GYS2: variants seen among roughly 807,000 people sequenced by gnomAD.
The protein encoded by GYS2 is glycogen synthase 2, also known as glycogen [starch] synthase, liver.
GYS2 carries 80 observed loss-of-function variants against 85.6 expected under a neutral mutation model. The ratio of observed to expected loss-of-function variants is 0.93; its 90% CI spans 0.78 to 1.13. The LOEUF (loss-of-function observed/expected upper bound fraction) is 1.13. GYS2 is among the 50% of genes most tolerant of loss of function. GYS2 has a pLI of 0.00. For missense variants in GYS2, 881 were observed against 854.9 expected, an observed-to-expected ratio of 1.03 and a Z score of -0.38; for synonymous variants, 328 against 300.7, an observed-to-expected ratio of 1.09 and a Z score of -0.94.
chr12:21,539,356 A>C lies in GYS2; in HGVS notation c.1810-18T>G. On this transcript the variant is annotated intron_variant, in intron 14 of 15. Transcript: ENST00000261195. Reference sequence around the variant, plus strand: ...TGGTAATACTATTGATAGAAAGCCAAATCACAGGTTAATAAAAACCCTTAG... The same window carrying C: ...TGGTAATACTATTGATAGAAAGCCACATCACAGGTTAATAAAAACCCTTAG... 2 of 1,432,012 alleles carry C rather than the reference A, an allele frequency of 1.4e-6. No homozygotes were observed. Among genetic ancestry groups the C allele is most frequent in the Non-Finnish European group, 2.0e-6 (2 of 1,014,260 alleles). 88.7% of individuals were successfully genotyped at this position (1,432,012 alleles called of 1,614,324 possible). A position where few individuals can be genotyped will look rare whatever the true frequency, so the allele number is the denominator to read the frequency against.
Position 21,559,177 on chromosome 12 carries a change from GA to G in GYS2, c.1230-9del. ...AGGTCAGGAATTTCTCCTCTGCAGG[GA>G]AAAAATGTTAATAACAAAAATAAAA... On this transcript the variant is annotated splice_polypyrimidine_tract_variant and intron_variant, in intron 9 of 15. Coordinates refer to ENST00000261195, the MANE Select transcript of GYS2 (RefSeq NM_021957.4). The G allele has an allele frequency of 4.5e-6, 7 of 1,562,836 alleles. No individual in the cohort carries two copies. The highest frequency in any genetic ancestry group is 6.2e-6 in the Non-Finnish European group (7 of 1,135,114).
At chr12:21,537,399 T>C in intron 15 of GYS2, 1 of 561,724 alleles carries the variant, frequency 1.8e-6, no homozygotes, top group South Asian at 2.1e-5. Flanking sequence ...CTAAGTGTTA[T>C]ATACATATTA....
chr12:21,560,991 T>C (rs1944246270), intron 7 of GYS2, among the ~76,000 whole-genome samples: 1 of 152,162 alleles, frequency 6.6e-6, no homozygotes, highest in Admixed American at 6.5e-5. Context: ...TGATGACAGA[T>C]AGATTATTTT....
downstream of GYS2, among the ~76,000 whole-genome samples, chr12:21,534,211 T>A (rs889410553): frequency 1.3e-5 from 2 of 152,166 alleles, no homozygotes; most frequent in African/African-American, 4.8e-5. Flanking sequence ...CATTATAAAT[T>A]AAAAATATCA....
At chr12:21,586,435 CT>C (rs1944574292) in intron 1 of GYS2, among the ~76,000 whole-genome samples, 1 of 151,826 alleles carries the variant, frequency 6.6e-6, no homozygotes, top group East Asian at 1.9e-4. Context: ...ATCTATCTAT[CT>C]ATCTATCTAT....
chr12:21,542,528 A>C lies in GYS2; in HGVS notation c.1613T>G (p.Met538Arg). ...AGTAGGATCAGCCACGTGCTCCTGC[A>C]TGAAACAGCCAAACCCGGAGAGATT... ...TTNLSGFGCFMQEHVADPTAY... is the reference protein window; with the variant it reads ...TTNLSGFGCFRQEHVADPTAY... Residue 538 changes from methionine (M) to arginine (R), a missense_variant, in exon 13 of 16, where the codon ATG (methionine) becomes AGG (arginine). By Grantham distance (91) the Met-to-Arg change is moderately conservative. Transcript: ENST00000261195. 6.2e-7 allele frequency: 1 copy of C among 1,613,676 alleles called. No individual in the cohort carries two copies. The highest frequency in any genetic ancestry group is 8.5e-7 in the Non-Finnish European group (1 of 1,179,564).
At chr12:21,539,138 G>A (rs1441002736) in intron 15 of GYS2, 120 bp downstream of exon 15, 1 of 682,676 alleles carries the variant, frequency 1.5e-6, no homozygotes, top group African/African-American at 1.8e-5. Flanking sequence ...CCTTTGGTTT[G>A]ATTCAACATT....
intron 1 of GYS2, among the ~76,000 whole-genome samples, chr12:21,596,042 G>A (rs1944692384): frequency 6.6e-6 from 1 of 152,014 alleles, no homozygotes; most frequent in Admixed American, 6.6e-5. Flanking sequence ...CCATATGATA[G>A]GCCATGAAAT....
At chr12:21,601,591 C>T (rs1380420398) in intron 1 of GYS2, among the ~76,000 whole-genome samples, 1 of 152,144 alleles carries the variant, frequency 6.6e-6, no homozygotes, top group African/African-American at 2.4e-5. Context: ...AACATCTCAT[C>T]ATTAGAGAGG....
At chr12:21,567,929 T>G (rs1254615338) in intron 5 of GYS2, among the ~76,000 whole-genome samples, 1 of 151,848 alleles carries the variant, frequency 6.6e-6, no homozygotes, top group Non-Finnish European at 1.5e-5. Flanking sequence ...AAAAATTAGC[T>G]GGGCGTGGTG....
At chr12:21,542,859 G>T (rs142306604) in intron 12 of GYS2, among the ~76,000 whole-genome samples, 1 of 152,214 alleles carries the variant, frequency 6.6e-6, no homozygotes, top group South Asian at 2.1e-4. Flanking sequence ...GCCAGGGTTC[G>T]TGGTATAGCT....
intron 2 of GYS2, among the ~76,000 whole-genome samples, chr12:21,579,309 A>T (rs770806459): frequency 2.5e-4 from 37 of 150,566 alleles, no homozygotes; most frequent in Non-Finnish European, 4.4e-4. Flanking sequence ...GCCACATTCC[A>T]TGTGTAGTTT....
chr12:21,555,420 A>T (rs186044453), intron 11 of GYS2, among the ~76,000 whole-genome samples: 1 of 151,684 alleles, frequency 6.6e-6, no homozygotes, highest in Non-Finnish European at 1.5e-5. Context: ...AGGTGTAGAT[A>T]TTTCAGAAAT....
chr12:21,558,496 T>C (rs139118002), intron 10 of GYS2, among the ~76,000 whole-genome samples, 183 bp from the exon 11 acceptor site: 94 of 152,338 alleles, frequency 6.2e-4, no homozygotes, highest in African/African-American at 2.3e-3. Context: ...AGAATCTCCT[T>C]TGCATGCTAT....
chr12:21,591,392 G>A (rs921201373), intron 1 of GYS2, among the ~76,000 whole-genome samples: 2 of 151,692 alleles, frequency 1.3e-5, no homozygotes, highest in African/African-American at 4.8e-5. Flanking sequence ...AGATCAAGCA[G>A]AAGAAAAATT....
At chr12:21,596,218 A>C (rs1178994258) in intron 1 of GYS2, among the ~76,000 whole-genome samples, 1 of 152,140 alleles carries the variant, frequency 6.6e-6, no homozygotes, top group African/African-American at 2.4e-5. Flanking sequence ...CTATTCTACA[A>C]GACAGATAAA....
intron 6 of GYS2, 67 bp downstream of exon 6, chr12:21,563,161 G>T: frequency 8.4e-7 from 1 of 1,195,852 alleles, no homozygotes; most frequent in Non-Finnish European, 1.3e-6. Flanking sequence ...TTACAATTCT[G>T]TTTTCTCTCT....
intron 1 of GYS2, among the ~76,000 whole-genome samples, chr12:21,598,455 T>C (rs1359972147): frequency 1.3e-5 from 2 of 152,126 alleles, no homozygotes; most frequent in Non-Finnish European, 2.9e-5. Flanking sequence ...CTATTTCTTA[T>C]ATTCCAACAC....
downstream of GYS2, among the ~76,000 whole-genome samples, chr12:21,533,201 C>T (rs753518090): frequency 6.6e-5 from 10 of 152,158 alleles, no homozygotes; most frequent in Non-Finnish European, 1.2e-4. Flanking sequence ...TAGCCTACCT[C>T]GGCTATCTGG....
Sources: allele counts gnomAD v4.1 joint callset (sites outside exome capture counted in the v4.1 genomes callset), GRCh38; gene constraint gnomAD v4.1.1; transcripts MANE v1.5; gene names NCBI Gene and HGNC (gene_info 2026-07-23, HGNC 2026-07-21).